Variants in DOCK9 observed in about 807,000 individuals in gnomAD.
The protein encoded by DOCK9 is dedicator of cytokinesis 9, also known as dedicator of cytokinesis protein 9.
A neutral mutation model predicts 263.3 loss-of-function variants in DOCK9; 89 were observed. That is an observed-to-expected ratio of 0.34 (90% CI 0.28 to 0.40). DOCK9 has a LOEUF of 0.40. Ranked by LOEUF, DOCK9 falls within the 10% of genes least tolerant of loss-of-function variation. DOCK9 has a pLI of 1.00. For missense variants in DOCK9, 2,140 were observed against 2,603.4 expected, an observed-to-expected ratio of 0.82 and a Z score of 3.87; for synonymous variants, 976 against 973.1, an observed-to-expected ratio of 1.00 and a Z score of -0.06.
chr13:98,868,208 T>C, intron 28 of DOCK9, 23 bp downstream of exon 28: 1 of 1,613,048 alleles, frequency 6.2e-7, no homozygotes, highest in Non-Finnish European at 8.5e-7. Context: ...ATAACTGATA[T>C]CCTCTTCCCT....
intron 49 of DOCK9, 43 bp downstream of exon 49, chr13:98,804,956 G>T: frequency 6.4e-7 from 1 of 1,552,214 alleles, no homozygotes. Flanking sequence ...GCTCTTTGGC[G>T]AGGTGTCCGG....
chr13:98,952,438 T>C (rs778719581), intron 2 of DOCK9, among the ~76,000 whole-genome samples: 1 of 152,042 alleles, frequency 6.6e-6, no homozygotes, highest in Non-Finnish European at 1.5e-5. Context: ...GGTTTCACCA[T>C]ATTGGCCAGG....
At chr13:99,054,313 C>T (rs781377592) in intron 1 of DOCK9, among the ~76,000 whole-genome samples, 4 of 152,146 alleles carry the variant, frequency 2.6e-5, no homozygotes, top group East Asian at 1.9e-4. Flanking sequence ...TTTGTGGCCT[C>T]GCCAAAAATT....
chr13:99,087,723 A>T (rs1415945248), upstream of DOCK9: 1 of 152,404 alleles, frequency 6.6e-6, no homozygotes, highest in Non-Finnish European at 1.5e-5. Flanking sequence ...GCGCATGCTC[A>T]GTGGTTGGGG....
intron 1 of DOCK9, among the ~76,000 whole-genome samples, chr13:99,078,892 G>GA (rs554192104): frequency 6.6e-6 from 1 of 151,874 alleles, no homozygotes; most frequent in African/African-American, 2.4e-5. Context: ...AAAATCGGAA[G>GA]AAAAAAAAGT....
intron 1 of DOCK9, among the ~76,000 whole-genome samples, chr13:99,012,946 C>A (rs895492652): frequency 5.3e-5 from 8 of 152,178 alleles, no homozygotes; most frequent in Admixed American, 5.2e-4. Context: ...TTTAACTAAT[C>A]TTCTCAGTAG....
chr13:98,899,051 A>AT (rs2047863734), intron 13 of DOCK9, among the ~76,000 whole-genome samples: 1 of 99,730 alleles, frequency 1.0e-5, no homozygotes, highest in Non-Finnish European at 2.2e-5. Context: ...TACATTACTT[A>AT]ATTTTTTTTT....
At position 98,848,476 on chromosome 13, in the gene DOCK9, C is replaced by T; in HGVS notation, c.4061+116G>A. 3 of 1,067,390 alleles carry T rather than the reference C, an allele frequency of 2.8e-6. No individual in the cohort carries two copies. The South Asian group carries it at 4.4e-5, about 16-fold the overall frequency. The allele number at this position is 1,067,390 out of a possible 1,614,324, so 66.1% of individuals were successfully genotyped here. ...GCAATCCAAGGGCCTGCCATCAGTCCCCATGGCCGCTTCCATGAACCCCAA... is the reference window on the plus strand; with the variant it reads ...GCAATCCAAGGGCCTGCCATCAGTCTCCATGGCCGCTTCCATGAACCCCAA... On this transcript the variant is annotated intron_variant, in intron 37 of 52. Coordinates refer to ENST00000682017, the MANE Select transcript of DOCK9 (RefSeq NM_001366683.2).
At chr13:98,824,555 T>C (rs1025679499) in intron 44 of DOCK9, 51 bp from the exon 45 acceptor site, 1 of 1,548,362 alleles carries the variant, frequency 6.5e-7, no homozygotes, top group Non-Finnish European at 8.9e-7. Flanking sequence ...TGAACGTGGG[T>C]GAACCCTGAG....
chr13:98,993,340 GA>G (rs1177091768), intron 1 of DOCK9, among the ~76,000 whole-genome samples: 1 of 152,172 alleles, frequency 6.6e-6, no homozygotes, highest in Non-Finnish European at 1.5e-5. Context: ...CTCATTATGT[GA>G]CATGAGAAAC....
At chr13:99,081,381 G>A (rs558961901) in intron 1 of DOCK9, among the ~76,000 whole-genome samples, 24 of 152,260 alleles carry the variant, frequency 1.6e-4, no homozygotes, top group African/African-American at 5.1e-4. Context: ...AATACCAAGC[G>A]AAATTTAGCA....
chr13:98,840,795 G>A (rs903701450), intron 38 of DOCK9, among the ~76,000 whole-genome samples: 2 of 152,100 alleles, frequency 1.3e-5, no homozygotes, highest in Non-Finnish European at 2.9e-5. Flanking sequence ...CACTCTTTAT[G>A]CAACCAAAAT....
chr13:99,007,055 G>T (rs907886148), intron 1 of DOCK9, among the ~76,000 whole-genome samples: 1 of 152,044 alleles, frequency 6.6e-6, no homozygotes, highest in Non-Finnish European at 1.5e-5. Flanking sequence ...TTGCACCACT[G>T]TACTCCAGCC....
chr13:99,028,356 C>T (rs1043293452), intron 1 of DOCK9, among the ~76,000 whole-genome samples: 3 of 152,078 alleles, frequency 2.0e-5, no homozygotes, highest in African/African-American at 4.8e-5. Context: ...CTATCTCCAA[C>T]AGCAAAAGTT....
chr13:99,060,491 C>T (rs954941805), intron 1 of DOCK9, among the ~76,000 whole-genome samples: 1 of 152,150 alleles, frequency 6.6e-6, no homozygotes, highest in South Asian at 2.1e-4. Context: ...AGTGGAACTG[C>T]TGGGTCATAG....
intron 1 of DOCK9, among the ~76,000 whole-genome samples, chr13:99,063,627 T>C (rs2041291323): frequency 6.6e-6 from 1 of 152,186 alleles, no homozygotes. Context: ...AAACCATGTG[T>C]GGTGAGGGTC....
At chr13:98,797,352 T>C (rs1266347544) in intron 51 of DOCK9, 37 bp downstream of exon 51, 3 of 1,609,122 alleles carry the variant, frequency 1.9e-6, no homozygotes, top group African/African-American at 1.3e-5. Flanking sequence ...AAATGATCAA[T>C]ACTCGAAGAG....
intron 2 of DOCK9, 54 bp downstream of exon 2, chr13:98,955,381 T>C: frequency 8.3e-7 from 1 of 1,197,640 alleles, no homozygotes; most frequent in Non-Finnish European, 1.2e-6. Flanking sequence ...AGAAAAATAC[T>C]GCTTGTTAAG....
intron 1 of DOCK9, among the ~76,000 whole-genome samples, chr13:99,053,293 AAAG>A (rs2040785301): frequency 6.6e-6 from 1 of 152,214 alleles, no homozygotes; most frequent in Non-Finnish European, 1.5e-5. Flanking sequence ...GCAGGAGAGC[AAAG>A]AAGATAAATT....
Sources: allele counts gnomAD v4.1 joint callset (sites outside exome capture counted in the v4.1 genomes callset), GRCh38; gene constraint gnomAD v4.1.1; transcripts MANE v1.5; gene names NCBI Gene and HGNC (gene_info 2026-07-23, HGNC 2026-07-21).